LRP1B: variants seen among roughly 807,000 people sequenced by gnomAD.
The protein encoded by LRP1B is LDL receptor related protein 1B, also known as low-density lipoprotein receptor-related protein 1B.
Under a neutral mutation model 556.6 loss-of-function variants are expected in LRP1B, and 217 were observed. That is an observed-to-expected ratio of 0.39 (90% CI 0.35 to 0.44). The LOEUF (loss-of-function observed/expected upper bound fraction) is 0.44. LRP1B is among the 20% of genes least tolerant of loss of function. The pLI, the probability that LRP1B is intolerant of heterozygous loss-of-function variation, is 1.00. For missense variants in LRP1B, 5,053 were observed against 5,620.8 expected (o/e 0.90, Z 3.23); for synonymous variants, 2,047 against 1,865.8 (o/e 1.10, Z -2.50).
chr2:140,562,011 G>A (rs891527081), intron 43 of LRP1B, among the ~76,000 whole-genome samples: 5 of 151,926 alleles, frequency 3.3e-5, no homozygotes, highest in African/African-American at 9.7e-5. Context: ...TAAAGAAAAA[G>A]CATTTGACAA....
chr2:140,551,413 C>A (rs1455476188), intron 43 of LRP1B, among the ~76,000 whole-genome samples: 7 of 152,002 alleles, frequency 4.6e-5, no homozygotes, highest in African/African-American at 1.7e-4. Context: ...CAACAGGGAG[C>A]ATGAAGTGCT....
chr2:141,450,588 A>G (rs946799518), intron 3 of LRP1B, among the ~76,000 whole-genome samples: 7 of 151,118 alleles, frequency 4.6e-5, no homozygotes, highest in Admixed American at 2.6e-4. Context: ...AAAAAAATAT[A>G]TATATATAAT....
chr2:141,081,303 G>T (rs2104884140), intron 7 of LRP1B, among the ~76,000 whole-genome samples: 1 of 152,190 alleles, frequency 6.6e-6, no homozygotes, highest in Middle Eastern at 3.4e-3. Context: ...CTGTGGATGA[G>T]GAGTAACTGC....
At chr2:140,944,375 T>G (rs1391645129) in intron 20 of LRP1B, among the ~76,000 whole-genome samples, 2 of 152,020 alleles carry the variant, frequency 1.3e-5, no homozygotes, top group African/African-American at 4.8e-5. Flanking sequence ...CTGAAGCTAT[T>G]CCAAAAAACT....
intron 3 of LRP1B, among the ~76,000 whole-genome samples, chr2:141,354,342 C>G (rs1467615327): frequency 2.6e-5 from 4 of 152,040 alleles, no homozygotes; most frequent in African/African-American, 9.7e-5. Flanking sequence ...GAACCCATCA[C>G]TCACATAATT....
intron 1 of LRP1B, among the ~76,000 whole-genome samples, chr2:141,955,802 C>A (rs867809186): frequency 2.0e-5 from 3 of 152,088 alleles, no homozygotes; most frequent in Admixed American, 6.6e-5. Context: ...ATTTTCCAGT[C>A]TAGAGCTAGT....
At chr2:141,460,710 T>C (rs553782517) in intron 3 of LRP1B, among the ~76,000 whole-genome samples, 19 of 152,290 alleles carry the variant, frequency 1.2e-4, no homozygotes, top group African/African-American at 4.3e-4. Context: ...TCAACCTAGA[T>C]AGTAGCAGTT....
chr2:140,354,470 A>G (rs888064814), intron 75 of LRP1B, among the ~76,000 whole-genome samples: 2 of 152,078 alleles, frequency 1.3e-5, no homozygotes, highest in African/African-American at 4.8e-5. Context: ...TGTTTTTAAT[A>G]AATATTTTAC....
intron 7 of LRP1B, among the ~76,000 whole-genome samples, chr2:141,100,382 C>G (rs1700429674): frequency 6.6e-6 from 1 of 152,192 alleles, no homozygotes; most frequent in Non-Finnish European, 1.5e-5. Context: ...GGGCAGACCT[C>G]TAACTGAGGA....
At chr2:140,428,676 C>T (rs1398451724) in intron 66 of LRP1B, among the ~76,000 whole-genome samples, 1 of 152,140 alleles carries the variant, frequency 6.6e-6, no homozygotes, top group Non-Finnish European at 1.5e-5. Flanking sequence ...GAGTAACTGT[C>T]ACAGTGGAGG....
At chr2:140,546,569 A>T (rs1192596653) in intron 43 of LRP1B, among the ~76,000 whole-genome samples, 1 of 152,134 alleles carries the variant, frequency 6.6e-6, no homozygotes, top group Non-Finnish European at 1.5e-5. Context: ...TAAAACCATC[A>T]GTTCTTGTGA....
At chr2:141,807,746 G>A (rs1418920568) in intron 2 of LRP1B, among the ~76,000 whole-genome samples, 1 of 152,054 alleles carries the variant, frequency 6.6e-6, no homozygotes, top group Non-Finnish European at 1.5e-5. Context: ...CAAATTCAAG[G>A]TGGTATGTAC....
chr2:140,650,969 A>AC (rs1684662375), intron 41 of LRP1B, among the ~76,000 whole-genome samples: 1 of 152,144 alleles, frequency 6.6e-6, no homozygotes, highest in African/African-American at 2.4e-5. Context: ...TGTTTTCTTA[A>AC]CCCCATGTCT....
chr2:141,041,201 G>A (rs763067115), intron 11 of LRP1B, among the ~76,000 whole-genome samples: 7 of 152,056 alleles, frequency 4.6e-5, no homozygotes, highest in Non-Finnish European at 8.8e-5. Context: ...ACCTTCATAC[G>A]TAAAGTCAGT....
intron 7 of LRP1B, among the ~76,000 whole-genome samples, chr2:141,106,175 C>T (rs1476415755): frequency 6.6e-6 from 1 of 152,102 alleles, no homozygotes; most frequent in Admixed American, 6.5e-5. Context: ...TGACAAAAAT[C>T]CAAGGCCTTA....
intron 66 of LRP1B, among the ~76,000 whole-genome samples, chr2:140,434,656 T>C (rs897466399): frequency 6.6e-6 from 1 of 152,136 alleles, no homozygotes; most frequent in Non-Finnish European, 1.5e-5. Flanking sequence ...CCTAATTATA[T>C]GAAAAACCTA....
chr2:142,113,395 A>G (rs2104993473), intron 1 of LRP1B, among the ~76,000 whole-genome samples: 1 of 152,246 alleles, frequency 6.6e-6, no homozygotes, highest in Non-Finnish European at 1.5e-5. Context: ...ATAATTTTTA[A>G]GCAATACCTC....
At chr2:141,920,060 G>A (rs1216800836) in intron 1 of LRP1B, among the ~76,000 whole-genome samples, 1 of 151,792 alleles carries the variant, frequency 6.6e-6, no homozygotes, top group Non-Finnish European at 1.5e-5. Flanking sequence ...CTTTTCAAAG[G>A]TTCAAATTAT....
intron 20 of LRP1B, among the ~76,000 whole-genome samples, chr2:140,934,509 C>A (rs1236231547): frequency 6.6e-6 from 1 of 152,032 alleles, no homozygotes; most frequent in African/African-American, 2.4e-5. Flanking sequence ...CCAGGGTAAG[C>A]CTTAGATGGT....
Sources: allele counts gnomAD v4.1 joint callset (sites outside exome capture counted in the v4.1 genomes callset), GRCh38; gene constraint gnomAD v4.1.1; transcripts MANE v1.5; gene names NCBI Gene and HGNC (gene_info 2026-07-23, HGNC 2026-07-21).